The following SYT1 variants were observed in gnomAD, a reference collection of about 807,000 sequenced individuals.
The protein encoded by SYT1 is synaptotagmin-1.
SYT1 carries 8 observed loss-of-function variants against 44.8 expected under a neutral mutation model. That is an observed-to-expected ratio of 0.18 (90% confidence interval 0.10 to 0.32). SYT1 has a LOEUF of 0.32. Ranked by LOEUF, SYT1 falls within the 10% of genes least tolerant of loss-of-function variation. The probability of loss-of-function intolerance (pLI) is 1.00; values close to 1 mark genes in which losing one functional copy is unlikely to be tolerated. For synonymous variants in SYT1, 154 were observed against 188.8 expected (o/e 0.82, Z 1.51); for missense variants, 286 against 509.3 (o/e 0.56, Z 4.22).
In SYT1 at chr12:79,385,744, G is replaced by C. The variant is rs73354758; in HGVS notation, c.928+32125G>C. On this transcript the variant is annotated intron_variant, in intron 9 of 10. Coordinates refer to ENST00000261205, the MANE Select transcript of SYT1 (RefSeq NM_005639.3). Reference sequence around the variant, plus strand: ...ATTACCCATTGTTGTTGTTGTTGTTGTTGTTTTTTAATTCAGGAAAATGTG... The same window carrying C: ...ATTACCCATTGTTGTTGTTGTTGTTCTTGTTTTTTAATTCAGGAAAATGTG... Among the ~76,000 whole-genome samples the C allele has an allele frequency of 4.6e-3, 698 of 152,076 alleles. 6 individuals carry two copies. The highest frequency in any genetic ancestry group is 0.016 in the African/African-American group (666 of 41,500).
At chr12:79,404,592 A>G (rs988731582) in intron 9 of SYT1, among the ~76,000 whole-genome samples, 7 of 152,168 alleles carry the variant, frequency 4.6e-5, no homozygotes, top group African/African-American at 1.7e-4. Flanking sequence ...CATATATTCT[A>G]CTTAGTGGTC....
intron 3 of SYT1, among the ~76,000 whole-genome samples, chr12:79,152,925 G>A (rs185840532): frequency 1.3e-5 from 2 of 149,948 alleles, no homozygotes; most frequent in African/African-American, 4.9e-5. Flanking sequence ...AGAAACCTTA[G>A]GTTTTACCCA....
At chr12:78,933,072 C>A (rs1175157605) in intron 1 of SYT1, among the ~76,000 whole-genome samples, 2 of 152,134 alleles carry the variant, frequency 1.3e-5, no homozygotes, top group Non-Finnish European at 2.9e-5. Flanking sequence ...TCTAAGCAGT[C>A]AAGTTGAGTA....
Position 79,450,467 on chromosome 12 carries a change from A to C in SYT1, c.*1343A>C, listed in dbSNP as rs1481817039. On this transcript the variant is annotated 3_prime_UTR_variant, in exon 11 of 11. Coordinates refer to ENST00000261205, the MANE Select transcript of SYT1 (RefSeq NM_005639.3). ...TGAAGCAACCTCTTATGTATACTAG[A>C]TGCTTGATTTAGGAGGAGTTTTTAA... The C allele has an allele frequency of 6.6e-6, 1 of 152,578 alleles. No individual in the cohort carries two copies. The highest frequency in any genetic ancestry group is 1.5e-5 in the Non-Finnish European group (1 of 68,050). 9.5% of individuals were successfully genotyped at this position (152,578 alleles called of 1,614,324 possible).
At chr12:79,289,897 T>G (rs1879493666) in intron 5 of SYT1, among the ~76,000 whole-genome samples, 2 of 151,858 alleles carry the variant, frequency 1.3e-5, no homozygotes. Flanking sequence ...GTAGTTTTTT[T>G]TTTTTTTTTT....
intron 2 of SYT1, among the ~76,000 whole-genome samples, chr12:79,036,335 G>A (rs1873132274): frequency 6.6e-6 from 1 of 151,794 alleles, no homozygotes; most frequent in Non-Finnish European, 1.5e-5. Flanking sequence ...AAAGCTTCAT[G>A]GAGGTGTCAG....
chr12:79,365,496 A>G (rs1253254128), intron 9 of SYT1, among the ~76,000 whole-genome samples: 1 of 152,160 alleles, frequency 6.6e-6, no homozygotes, highest in Non-Finnish European at 1.5e-5. Flanking sequence ...AATAAATGCC[A>G]TAAATGAATT....
At chr12:79,430,488 A>G (rs1406164717) in intron 9 of SYT1, among the ~76,000 whole-genome samples, 1 of 152,182 alleles carries the variant, frequency 6.6e-6, no homozygotes. Flanking sequence ...TGCAGCCCCT[A>G]AGAGTTGCTT....
At chr12:79,441,959 G>A (rs1206286607) in intron 9 of SYT1, among the ~76,000 whole-genome samples, 1 of 152,128 alleles carries the variant, frequency 6.6e-6, no homozygotes, top group Non-Finnish European at 1.5e-5. Flanking sequence ...TTCTCCCCAA[G>A]GCATTAATAA....
intron 3 of SYT1, among the ~76,000 whole-genome samples, chr12:79,056,645 A>C (rs922790932): frequency 6.6e-6 from 1 of 152,062 alleles, no homozygotes; most frequent in Non-Finnish European, 1.5e-5. Flanking sequence ...AATAAATTAC[A>C]TCCCACACAT....
chr12:78,890,391 G>A (rs915304629), intron 1 of SYT1, among the ~76,000 whole-genome samples: 8 of 151,820 alleles, frequency 5.3e-5, no homozygotes, highest in African/African-American at 1.9e-4. Context: ...GCCTGTCGTG[G>A]GGTGACGGGA....
intron 1 of SYT1, among the ~76,000 whole-genome samples, chr12:78,914,165 C>CGT (rs1555180069): frequency 2.6e-5 from 4 of 150,998 alleles, no homozygotes; most frequent in African/African-American, 9.7e-5. Flanking sequence ...TGAGGATATA[C>CGT]ATATATATAT....
intron 2 of SYT1, among the ~76,000 whole-genome samples, chr12:79,014,593 AACACTTTT>A (rs1208826742): frequency 6.6e-6 from 1 of 152,064 alleles, no homozygotes; most frequent in African/African-American, 2.4e-5. Flanking sequence ...GAGAAATAGG[AACACTTTT>A]ACACTGTTGG....
rs140031841 is a variant in SYT1, at chr12:79,327,056, C to T, written c.811-26446C>T. 6.9e-3 allele frequency among the ~76,000 whole-genome samples: 1,054 copies of T among 152,094 alleles called. 12 individuals carry two copies. Among genetic ancestry groups the T allele is most frequent in the African/African-American group, 0.024 (994 of 41,470 alleles). ...GGAGATGTTCCTATTAAGGCAGTCA[C>T]CGTAAACAAGAACTGGATAATAATT... On this transcript the variant is annotated intron_variant, in intron 8 of 10. Coordinates refer to ENST00000261205, the MANE Select transcript of SYT1 (RefSeq NM_005639.3).
intron 8 of SYT1, among the ~76,000 whole-genome samples, chr12:79,336,398 T>C (rs1882091001): frequency 6.6e-6 from 1 of 152,208 alleles, no homozygotes; most frequent in Admixed American, 6.5e-5. Flanking sequence ...ATAGACAAAT[T>C]GGCACTTTTT....
intron 3 of SYT1, among the ~76,000 whole-genome samples, chr12:79,209,363 T>C (rs1874308447): frequency 6.6e-6 from 1 of 152,214 alleles, no homozygotes. Flanking sequence ...GTAGGTGTTA[T>C]AGGTCAGATT....
intron 4 of SYT1, among the ~76,000 whole-genome samples, chr12:79,279,107 C>T (rs938422600): frequency 9.2e-5 from 14 of 151,502 alleles, no homozygotes; most frequent in Admixed American, 3.3e-4. Flanking sequence ...TCAATCCTAC[C>T]GAAACTACTC....
At chr12:78,915,335 A>C (rs1876588391) in intron 1 of SYT1, among the ~76,000 whole-genome samples, 1 of 152,174 alleles carries the variant, frequency 6.6e-6, no homozygotes, top group Admixed American at 6.6e-5. Flanking sequence ...CCCCAGAAGT[A>C]ATATTAAAAA....
intron 4 of SYT1, among the ~76,000 whole-genome samples, chr12:79,225,748 G>C: frequency 6.6e-6 from 1 of 152,094 alleles, no homozygotes. Context: ...ATAAGTATAG[G>C]ATTGAAATGC....
Sources: allele counts gnomAD v4.1 joint callset (sites outside exome capture counted in the v4.1 genomes callset), GRCh38; gene constraint gnomAD v4.1.1; transcripts MANE v1.5; gene names NCBI Gene and HGNC (gene_info 2026-07-23, HGNC 2026-07-21).